Variants in C9orf43 observed in about 807,000 individuals in gnomAD.
The protein encoded by C9orf43 is chromosome 9 open reading frame 43.
Under a neutral mutation model 59.1 loss-of-function variants are expected in C9orf43, and 45 were observed. The ratio of observed to expected loss-of-function variants is 0.76; its 90% CI spans 0.60 to 0.98. The LOEUF is 0.98. C9orf43 is among the 50% of genes least tolerant of loss of function. C9orf43 has a pLI of 0.00. For synonymous variants in C9orf43, 203 were observed against 196.8 expected (o/e 1.03, Z -0.26); for missense variants, 533 against 554.9 (o/e 0.96, Z 0.40).
Position 113,425,659 on chromosome 9 carries a change from C to A in C9orf43, c.959C>A (p.Ala320Asp). Residue 320 changes from alanine (A) to aspartate (D), a missense_variant, in exon 11 of 14, where the codon GCC (alanine) becomes GAC (aspartate). Ala to Asp is a moderately radical substitution (Grantham distance 126). Transcript: ENST00000374165. ...PIKKQEAKKK[A>D]KSDPGIQSTS... Reference sequence around the variant, plus strand: ...GGGTTTCAGGAGGCTAAAAAGAAAGCCAAGAGTGATCCAGGGATCCAGAGC... The same window carrying A: ...GGGTTTCAGGAGGCTAAAAAGAAAGACAAGAGTGATCCAGGGATCCAGAGC... The A allele has an allele frequency of 6.2e-7, 1 of 1,614,040 alleles. No individual in the cohort carries two copies. Among genetic ancestry groups the A allele is most frequent in the South Asian group, 1.1e-5 (1 of 91,080 alleles).
At chr9:113,422,209 G>A (rs915078677) in intron 5 of C9orf43, among the ~76,000 whole-genome samples, 4 of 152,190 alleles carry the variant, frequency 2.6e-5, no homozygotes, top group African/African-American at 9.7e-5. Context: ...GTCAGGGGGA[G>A]TCAGCCATTA....
At chr9:113,418,842 T>C (rs1828470485) in intron 3 of C9orf43, among the ~76,000 whole-genome samples, 2 of 152,220 alleles carry the variant, frequency 1.3e-5, no homozygotes, top group Admixed American at 1.3e-4. Flanking sequence ...GATATAACTG[T>C]CTCTAGCTGG....
Position 113,425,015 on chromosome 9 carries a change from C to T in C9orf43, c.808-4C>T. The T allele has an allele frequency of 6.2e-7, 1 of 1,610,064 alleles. No individual in the cohort carries two copies. The highest frequency in any genetic ancestry group is 8.5e-7 in the Non-Finnish European group (1 of 1,179,618). On this transcript the variant is annotated splice_region_variant and splice_polypyrimidine_tract_variant and intron_variant, in intron 8 of 13. Coordinates refer to ENST00000374165, the MANE Select transcript of C9orf43 (RefSeq NM_001278629.2). ...GCTTTTCTTTTTCTTTTTTCTTTCT[C>T]CAGAGACCAGCACTGCGATATCCTG...
chr9:113,427,302 G>A (rs1341141718), intron 11 of C9orf43, among the ~76,000 whole-genome samples: 1 of 152,064 alleles, frequency 6.6e-6, no homozygotes, highest in Non-Finnish European at 1.5e-5. Flanking sequence ...TAGCCTCCCC[G>A]GTAGCTGGGA....
chr9:113,423,258 A>G (rs962582272), intron 6 of C9orf43, 68 bp from the exon 7 acceptor site: 74 of 1,505,884 alleles, frequency 4.9e-5, no homozygotes, highest in Non-Finnish European at 6.0e-5. Flanking sequence ...GAGAGGCTAG[A>G]ATGTTGATGG....
chr9:113,413,614 T>G lies in C9orf43; in HGVS notation c.121T>G (p.Ser41Ala). The change falls in exon 2 of 14, where the codon TCA becomes GCA. Residue 41 changes from serine to alanine, a missense_variant. Transcript: ENST00000374165. ...GAGGGGCCATCCTCGAATCCTCGGCTCATCCTGCAAAACTCCCCTGGATGC... is the reference window on the plus strand; with the variant it reads ...GAGGGGCCATCCTCGAATCCTCGGCGCATCCTGCAAAACTCCCCTGGATGC... ...IERGHPRILGSSCKTPLDAED... is the reference protein window; with the variant it reads ...IERGHPRILGASCKTPLDAED... 2.5e-6 allele frequency: 4 copies of G among 1,614,202 alleles called. No individual in the cohort carries two copies. The highest frequency in any genetic ancestry group is 3.4e-6 in the Non-Finnish European group (4 of 1,180,000).
In C9orf43 at chr9:113,422,515, A is replaced by ATGTTTTGTTT. The variant is rs749623121; in HGVS notation, c.447-17_447-8dup. 3 of 1,609,594 alleles carry ATGTTTTGTTT rather than the reference A, an allele frequency of 1.9e-6. No individual in the cohort carries two copies. In the African/African-American group the frequency reaches 4.0e-5, roughly 22 times the overall value. ...CTTATTTCAAGTCCAGCTGAGAAGC[A>ATGTTTTGTTT]TGTTTTGTTTTGTTTTGTTTTGTTT... On this transcript the variant is annotated intron_variant, in intron 5 of 13. Transcript: ENST00000374165.
chr9:113,424,842 C>T (rs1455300082), intron 8 of C9orf43, among the ~76,000 whole-genome samples, 177 bp from the exon 9 acceptor site: 1 of 152,108 alleles, frequency 6.6e-6, no homozygotes, highest in East Asian at 1.9e-4. Context: ...TCTATTTCTT[C>T]TGCACTTTGT....
intron 11 of C9orf43, among the ~76,000 whole-genome samples, chr9:113,426,192 T>A (rs1231919182): frequency 1.3e-5 from 2 of 152,152 alleles, no homozygotes; most frequent in African/African-American, 4.8e-5. Flanking sequence ...GTAGAGAGTC[T>A]CTGGAGCCTC....
chr9:113,424,126 A>G, intron 7 of C9orf43, 40 bp from the exon 8 acceptor site: 1 of 1,543,462 alleles, frequency 6.5e-7, no homozygotes, highest in Admixed American at 2.2e-5. Context: ...TTCCGGGAAG[A>G]GCTGTTGCTG....
At chr9:113,424,023 G>C in intron 7 of C9orf43, 143 bp from the exon 8 acceptor site, 1 of 844,620 alleles carries the variant, frequency 1.2e-6, no homozygotes. Flanking sequence ...TCAGAAAAGT[G>C]TTACCAAATG....
rs1828554841 is a variant in C9orf43, at chr9:113,421,195, AC to A, written c.439del (p.His147MetfsTer2). 6.2e-7 allele frequency: 1 copy of A among 1,606,740 alleles called. No individual in the cohort carries two copies. Among genetic ancestry groups the A allele is most frequent in the Admixed American group, 1.7e-5 (1 of 59,944 alleles). On this transcript the variant is annotated frameshift_variant, in exon 5 of 14. Coordinates refer to ENST00000374165, the MANE Select transcript of C9orf43 (RefSeq NM_001278629.2). LOFTEE classifies it high-confidence loss of function. Reference sequence around the variant, plus strand: ...TGTGGATCCCAGAAGAAACAGAGATACATGTGAGGTGAGTATCATATCTGGA... The same window carrying A: ...TGTGGATCCCAGAAGAAACAGAGATAATGTGAGGTGAGTATCATATCTGGA... ...VLWIPEETEI[H>X]VSQHGKKKRK...
intron 5 of C9orf43, among the ~76,000 whole-genome samples, chr9:113,422,027 C>T (rs10116799): frequency 0.088 from 13,414 of 152,202 alleles, 690 homozygotes; most frequent in Non-Finnish European, 0.098. Flanking sequence ...TAAGGAGTTT[C>T]ATGGCTGCTT....
At position 113,425,072 on chromosome 9, in the gene C9orf43, A is replaced by G; in HGVS notation, c.861A>G (p.Thr287=). ...ERLKKLHNLK[T]EGYRKQQQRQ... is the part of the protein sequence containing the mutation. ...TGAAGAAATTACATAACCTGAAGAC[A>G]GAAGGTAGATTTGCTGTTGCTGCTG... is the stretch of plus-strand genomic sequence containing the variant. Residue 287 remains threonine, a synonymous_variant, in exon 9 of 14, where the codon ACA becomes ACG. Transcript: ENST00000374165. 2 of 1,613,418 alleles carry G rather than the reference A, an allele frequency of 1.2e-6. No individual in the cohort carries two copies. The highest frequency in any genetic ancestry group is 1.7e-6 in the Non-Finnish European group (2 of 1,179,788).
rs1408951348 is a variant in C9orf43 at position 113,413,640 on chromosome 9, T to C, written c.147T>C (p.Ala49=). 1 of 1,614,104 alleles carries C rather than the reference T, an allele frequency of 6.2e-7. No individual in the cohort carries two copies. ...CATCCTGCAAAACTCCCCTGGATGC[T>C]GAAGGTGAATTAGCCAGCTTCTGTC... ...LGSSCKTPLD[A]EDKLPVLTVV... is the part of the protein sequence containing the mutation. Residue 49 remains alanine, a synonymous_variant, in exon 2 of 14, where the codon GCT becomes GCC. Coordinates refer to ENST00000374165, the MANE Select transcript of C9orf43 (RefSeq NM_001278629.2).
chr9:113,423,304 C>A (rs1433192427), intron 6 of C9orf43, 22 bp from the exon 7 acceptor site: 2 of 1,611,110 alleles, frequency 1.2e-6, no homozygotes, highest in African/African-American at 1.3e-5. Flanking sequence ...TTGGAGAATT[C>A]TTTCCATTGT....
chr9:113,429,075 G>T, intron 13 of C9orf43, 97 bp from the exon 14 acceptor site: 2 of 1,501,118 alleles, frequency 1.3e-6, no homozygotes, highest in Non-Finnish European at 1.9e-6. Flanking sequence ...CTATCTCAGA[G>T]AAGTCCTAAA....
intron 11 of C9orf43, among the ~76,000 whole-genome samples, chr9:113,426,749 G>T (rs111299898): frequency 2.6e-5 from 4 of 152,088 alleles, no homozygotes; most frequent in Non-Finnish European, 2.9e-5. Flanking sequence ...CCTGAATTCC[G>T]TTCTGGTGCC....
At chr9:113,414,594 A>G (rs554517503) in intron 3 of C9orf43, among the ~76,000 whole-genome samples, 21 of 152,064 alleles carry the variant, frequency 1.4e-4, no homozygotes, top group African/African-American at 5.1e-4. Flanking sequence ...CCCTCTCCCT[A>G]TGTGTTAACA....
Sources: allele counts gnomAD v4.1 joint callset (sites outside exome capture counted in the v4.1 genomes callset), GRCh38; gene constraint gnomAD v4.1.1; transcripts MANE v1.5; gene names NCBI Gene and HGNC (gene_info 2026-07-23, HGNC 2026-07-21).